CASZ1: variants seen among roughly 807,000 people sequenced by gnomAD.
The protein encoded by CASZ1 is castor zinc finger 1.
A neutral mutation model predicts 135.2 loss-of-function variants in CASZ1; 28 were observed. The ratio of observed to expected loss-of-function variants is 0.21; its 90% confidence interval spans 0.15 to 0.28. The LOEUF is 0.28. CASZ1 is among the 10% of genes least tolerant of loss of function. CASZ1 has a pLI of 1.00. For missense variants in CASZ1, 2,161 were observed against 2,453.3 expected (o/e 0.88, Z 2.52); for synonymous variants, 1,068 against 1,073.4 (o/e 0.99, Z 0.10).
At chr1:10,754,099 GCTCA>G (rs1053232327) in intron 2 of CASZ1, among the ~76,000 whole-genome samples, 16 of 152,090 alleles carry the variant, frequency 1.1e-4, no homozygotes, top group African/African-American at 3.9e-4. Context: ...GATTAGGTTG[GCTCA>G]CTCCCTCACT....
intron 4 of CASZ1, among the ~76,000 whole-genome samples, chr1:10,673,876 A>G (rs1643483130): frequency 6.6e-6 from 1 of 152,168 alleles, no homozygotes; most frequent in Non-Finnish European, 1.5e-5. Flanking sequence ...GGCTGAGGCC[A>G]GGCGCCCTGG....
At position 10,650,999 on chromosome 1, in the gene CASZ1, G is replaced by A. The variant is rs1191550076; in HGVS notation, c.2758C>T (p.Pro920Ser). ...KPEPGESTGA[P>S]GPHEASQDRS... is the part of the protein sequence containing the mutation. ...TCCTGGGAGGCTTCGTGGGGGCCTG[G>A]GGCGCCGGTGCTCTCACCGGGTTCC... Residue 920 changes from proline to serine, a missense_variant, in exon 12 of 21, where the codon CCA (proline) becomes TCA (serine). Physicochemically the swap from Pro to Ser is moderately conservative, Grantham distance 74. Around this residue, in one of 7 missense-constraint regions of CASZ1, gnomAD observed 406 missense variants for 387.6 expected, o/e 1.05. Transcript: ENST00000377022. The A allele has an allele frequency of 6.4e-7, 1 of 1,574,500 alleles. No homozygotes were observed. Among genetic ancestry groups the A allele is most frequent in the Admixed American group, 2.1e-5 (1 of 46,662 alleles).
chr1:10,765,551 G>A (rs1243152528), intron 1 of CASZ1, among the ~76,000 whole-genome samples: 1 of 152,138 alleles, frequency 6.6e-6, no homozygotes, highest in Non-Finnish European at 1.5e-5. Context: ...CACAAACAGG[G>A]CAGACACATA....
At chr1:10,745,001 A>T (rs1421357647) in intron 2 of CASZ1, among the ~76,000 whole-genome samples, 1 of 152,144 alleles carries the variant, frequency 6.6e-6, no homozygotes, top group Non-Finnish European at 1.5e-5. Flanking sequence ...GAGCCTACGG[A>T]ATAGGCCACC....
intron 1 of CASZ1, among the ~76,000 whole-genome samples, chr1:10,761,081 G>C (rs1447331890): frequency 6.6e-6 from 1 of 152,248 alleles, no homozygotes; most frequent in Non-Finnish European, 1.5e-5. Flanking sequence ...ACAATTATTA[G>C]CCAATGGCTA....
chr1:10,740,041 C>T (rs561096455), intron 2 of CASZ1, among the ~76,000 whole-genome samples: 1 of 152,164 alleles, frequency 6.6e-6, no homozygotes, highest in Non-Finnish European at 1.5e-5. Flanking sequence ...TGCCAATTAC[C>T]ACCACCCCAT....
rs990078739 is a variant in CASZ1, at chr1:10,743,795, T to C, written c.-77+16906A>G. Among the ~76,000 whole-genome samples the C allele has an allele frequency of 5.4e-5, 8 of 146,814 alleles. No individual in the cohort carries two copies. In the East Asian group the frequency reaches 1.4e-3, roughly 26 times the overall value. On this transcript the variant is annotated intron_variant, in intron 2 of 20. Coordinates refer to ENST00000377022, the MANE Select transcript of CASZ1 (RefSeq NM_001079843.3). ...ACGGGAGGGCAGGCGGGATGGGAGA[T>C]GTCTTTTAGGTACCCGATGAGCAGA...
Position 10,649,156 on chromosome 1 carries a change from G to C in CASZ1, c.3072C>G (p.Asp1024Glu), listed in dbSNP as rs1212677148. 6.2e-7 allele frequency: 1 copy of C among 1,613,790 alleles called. No individual in the cohort carries two copies. The change falls in exon 15 of 21, where the codon GAC (aspartate) becomes GAG (glutamate). Residue 1024 changes from aspartate to glutamate, a missense_variant. Physicochemically the swap from Asp to Glu is conservative, Grantham distance 45. This residue lies in a region of CASZ1 where 349 missense variants were observed against 460.8 expected (regional missense o/e 0.76). Coordinates refer to ENST00000377022, the MANE Select transcript of CASZ1 (RefSeq NM_001079843.3). ...AGTGGAAGTGGGCCTTGTGGAGGAA[G>C]TCACACTGGCCGTCACAGAAGTCCT... The part of the protein sequence containing the change: ...GTKDFCDGQC[D>E]FLHKAHFHCV...
At chr1:10,688,199 G>A (rs1378471333) in intron 4 of CASZ1, among the ~76,000 whole-genome samples, 1 of 152,126 alleles carries the variant, frequency 6.6e-6, no homozygotes, top group Middle Eastern at 3.2e-3. Context: ...ATGAGTCCGA[G>A]TGCTGGGTCC....
rs1640327691 is a variant in CASZ1 at position 10,759,737 on chromosome 1, T to G, written c.-77+964A>C. ...AGGGGCAGGACACACCTGCCCAGAG[T>G]GACCATGGGGAGGAAGAGCGCAGGC... On this transcript the variant is annotated intron_variant, in intron 2 of 20. Transcript: ENST00000377022. This position sits in a 1 kb window ranked among gnomAD's most constrained non-coding sequence, Gnocchi z 4.2. Among the ~76,000 whole-genome samples, 1 of 152,002 alleles carries G rather than the reference T, an allele frequency of 6.6e-6. No homozygotes were observed. Among genetic ancestry groups the G allele is most frequent in the African/African-American group, 2.4e-5 (1 of 41,376 alleles).
At chr1:10,723,363 G>A (rs1639539269) in intron 2 of CASZ1, among the ~76,000 whole-genome samples, 1 of 152,178 alleles carries the variant, frequency 6.6e-6, no homozygotes, top group Admixed American at 6.5e-5. Flanking sequence ...AGGGGGCTCT[G>A]GGGTGTGGGG....
At chr1:10,695,088 G>A (rs1235537903) in intron 3 of CASZ1, among the ~76,000 whole-genome samples, 1 of 151,162 alleles carries the variant, frequency 6.6e-6, no homozygotes, top group Non-Finnish European at 1.5e-5. Context: ...CGCTGCCTGC[G>A]GGCTCGGGGC....
Position 10,794,198 on chromosome 1 carries a change from T to C in CASZ1, c.-234+2366A>G, listed in dbSNP as rs369744993. Among the ~76,000 whole-genome samples, 2,094 of 140,894 alleles carry C rather than the reference T, an allele frequency of 0.015. 43 individuals are homozygous for C. Among genetic ancestry groups the C allele is most frequent in the African/African-American group, 0.04 (1,511 of 37,674 alleles). 92.4% of individuals were successfully genotyped at this position (140,894 alleles called of 152,430 possible). A position where few individuals can be genotyped will look rare whatever the true frequency, so the allele number is the denominator to read the frequency against. Reference sequence around the variant, plus strand: ...ATGCGTGTGTGTGTGTGTGTGTGTGTGCGCGCGCGCGCGCGTCGTGGGTTG... The same window carrying C: ...ATGCGTGTGTGTGTGTGTGTGTGTGCGCGCGCGCGCGCGCGTCGTGGGTTG... On this transcript the variant is annotated intron_variant, in intron 1 of 20. Transcript: ENST00000377022. This position sits in a 1 kb window ranked among gnomAD's most constrained non-coding sequence, Gnocchi z 5.6.
intron 5 of CASZ1, chr1:10,661,051 A>C: frequency 5.6e-6 from 1 of 179,292 alleles, no homozygotes; most frequent in Non-Finnish European, 1.2e-5. Context: ...TGACCCCACA[A>C]ATGGATCCCC....
rs1642154568 is a variant in CASZ1, at chr1:10,640,190, C to T, written c.4163-131G>A. On this transcript the variant is annotated intron_variant, in intron 20 of 20. Coordinates refer to ENST00000377022, the MANE Select transcript of CASZ1 (RefSeq NM_001079843.3). ...GCATTTAGGGAGCCCTCGGCTTCCC[C>T]TGGCTTGGGAGGCCTCTCCTGCCCC... 7.9e-5 allele frequency: 110 copies of T among 1,393,112 alleles called. No individual in the cohort carries two copies. In the South Asian group the frequency reaches 1.5e-3, roughly 19 times the overall value. 86.3% of individuals were successfully genotyped at this position (1,393,112 alleles called of 1,614,324 possible). A position where few individuals can be genotyped will look rare whatever the true frequency, so the allele number is the denominator to read the frequency against.
intron 2 of CASZ1, among the ~76,000 whole-genome samples, chr1:10,751,370 A>G (rs967503780): frequency 6.6e-6 from 1 of 152,086 alleles, no homozygotes; most frequent in Non-Finnish European, 1.5e-5. Context: ...AGAAGCCGAC[A>G]GGGGCCAGAA....
Position 10,717,364 on chromosome 1 carries a change from T to C in CASZ1, c.-76-11820A>G, listed in dbSNP as rs1015193665. On this transcript the variant is annotated intron_variant, in intron 2 of 20. Transcript: ENST00000377022. This position sits in a 1 kb window ranked among gnomAD's most constrained non-coding sequence, Gnocchi z 4.6. ...TTTCCTGCCTTGCCGTGCTGGGGTG[T>C]TGGTGAGTTGTTGGAGGTTTTTTTT... Among the ~76,000 whole-genome samples the C allele has an allele frequency of 1.3e-5, 2 of 152,134 alleles. No homozygotes were observed. Among genetic ancestry groups the C allele is most frequent in the African/African-American group, 4.8e-5 (2 of 41,430 alleles).
chr1:10,779,279 A>ATTTTTTT (rs386366223), intron 1 of CASZ1, among the ~76,000 whole-genome samples: 1 of 125,256 alleles, frequency 8.0e-6, no homozygotes, highest in Admixed American at 8.3e-5. Context: ...TAATTTTATA[A>ATTTTTTT]TTTTTTTTTT....
Position 10,653,778 on chromosome 1 carries a change from G to C in CASZ1, c.2279C>G (p.Ala760Gly), listed in dbSNP as rs763108308. 4.3e-6 allele frequency: 7 copies of C among 1,611,130 alleles called. No individual in the cohort carries two copies. Among genetic ancestry groups the C allele is most frequent in the Non-Finnish European group, 5.9e-6 (7 of 1,178,518 alleles). ...SLAAATAATE[A>G]GPSATKPPNS... Reference sequence around the variant, plus strand: ...GGGAGGTTTGGTGGCACTGGGCCCAGCCTCGGTGGCGGCAGTGGCGGCAGC... The same window carrying C: ...GGGAGGTTTGGTGGCACTGGGCCCACCCTCGGTGGCGGCAGTGGCGGCAGC... The change falls in exon 11 of 21, where the codon GCT becomes GGT. Residue 760 changes from alanine to glycine, a missense_variant. Coordinates refer to ENST00000377022, the MANE Select transcript of CASZ1 (RefSeq NM_001079843.3).
Sources: allele counts gnomAD v4.1 joint callset (sites outside exome capture counted in the v4.1 genomes callset), GRCh38; gene constraint gnomAD v4.1.1; regional missense constraint gnomAD v4.1.1; non-coding constraint Gnocchi (gnomAD v3.1); transcripts MANE v1.5; gene names NCBI Gene and HGNC (gene_info 2026-07-23, HGNC 2026-07-21).